Variants in PTGDR observed in about 807,000 individuals in gnomAD.
PTGDR encodes prostaglandin D2 receptor.
A neutral mutation model predicts 17.4 loss-of-function variants in PTGDR; 19 were observed. That is an observed-to-expected ratio of 1.09 (90% CI 0.76 to 1.60). The LOEUF is 1.60. PTGDR is among the 40% of genes most tolerant of loss of function. The probability of loss-of-function intolerance (pLI) is 0.00; values close to 1 mark genes in which losing one functional copy is unlikely to be tolerated. For synonymous variants in PTGDR, 267 were observed against 224.2 expected, an observed-to-expected ratio of 1.19 and a Z score of -1.71; for missense variants, 526 against 481.9, an observed-to-expected ratio of 1.09 and a Z score of -0.86.
In PTGDR at chr14:52,267,870, C is replaced by G; in HGVS notation, c.56C>G (p.Ser19Trp). Residue 19 changes from serine to tryptophan, a missense_variant, in exon 1 of 2, where the codon TCG becomes TGG. Ser to Trp is a radical substitution (Grantham distance 177). Transcript: ENST00000306051. ...QNTTSVEKGN[S>W]AVMGGVLFST... ...ACCACCTCTGTGGAAAAAGGCAACT[C>G]GGCGGTGATGGGCGGGGTGCTCTTC... 1 of 1,601,938 alleles carries G rather than the reference C, an allele frequency of 6.2e-7. No homozygotes were observed. Among genetic ancestry groups the G allele is most frequent in the Non-Finnish European group, 8.5e-7 (1 of 1,173,490 alleles).
At position 52,276,302 on chromosome 14, in the gene PTGDR, G is replaced by T. The variant is rs202192075; in HGVS notation, c.*1338G>T. 1 of 152,148 alleles carries T rather than the reference G, an allele frequency of 6.6e-6. No homozygotes were observed. Among genetic ancestry groups the T allele is most frequent in the African/African-American group, 2.4e-5 (1 of 41,420 alleles). 9.4% of individuals were successfully genotyped at this position (152,148 alleles called of 1,614,324 possible). A position where few individuals can be genotyped will look rare whatever the true frequency, so the allele number is the denominator to read the frequency against. ...CAATCTCAGGACTCCAAGGTGCAAA[G>T]CCTGCTGCATTTGCGTGATCTCAAG... On this transcript the variant is annotated 3_prime_UTR_variant, in exon 2 of 2. Coordinates refer to ENST00000306051, the MANE Select transcript of PTGDR (RefSeq NM_000953.3).
rs759586138 is a variant in PTGDR at position 52,268,312 on chromosome 14, A to C, written c.498A>C (p.Leu166=). Residue 166 remains leucine, a synonymous_variant, in exon 1 of 2, where the codon CTA becomes CTC. Coordinates refer to ENST00000306051, the MANE Select transcript of PTGDR (RefSeq NM_000953.3). Reference sequence around the variant, plus strand: ...CCTTCTCCCTGGCTTTCTGCGCGCTACCTTTCATGGGCTTCGGGAAGTTCG... The same window carrying C: ...CCTTCTCCCTGGCTTTCTGCGCGCTCCCTTTCATGGGCTTCGGGAAGTTCG... ...VSAFSLAFCA[L]PFMGFGKFVQ... is the part of the protein sequence containing the mutation. The C allele has an allele frequency of 3.1e-6, 5 of 1,613,668 alleles. No individual in the cohort carries two copies. The highest frequency in any genetic ancestry group is 3.4e-6 in the Non-Finnish European group (4 of 1,180,016).
Position 52,268,552 on chromosome 14 carries a change from G to A in PTGDR, c.738G>A (p.Pro246=), listed in dbSNP as rs201775752. 1.8e-5 allele frequency: 29 copies of A among 1,612,524 alleles called. No homozygotes were observed. The highest frequency in any genetic ancestry group is 1.6e-4 in the African/African-American group (12 of 74,928). ...CCTGCACCAGGGACTGTGCCGAGCC[G>A]CGCGCGGACGGGAGGGAAGCGTCCC... is the stretch of plus-strand genomic sequence containing the variant. ...PRSCTRDCAE[P]RADGREASPQ... The change falls in exon 1 of 2, where the codon CCG becomes CCA. Residue 246 remains proline (P), a synonymous_variant. Transcript: ENST00000306051.
Position 52,268,631 on chromosome 14 carries a change from C to T in PTGDR, c.817C>T (p.Leu273Phe), listed in dbSNP as rs753696731. ...HLLLLALMTV[L>F]FTMCSLPVIY... ...CCTGCTGCTGGCGCTGATGACCGTGCTCTTCACTATGTGTTCTCTGCCCGT... is the reference window on the plus strand; with the variant it reads ...CCTGCTGCTGGCGCTGATGACCGTGTTCTTCACTATGTGTTCTCTGCCCGT... Residue 273 changes from leucine to phenylalanine, a missense_variant, in exon 1 of 2, where the codon CTC becomes TTC. Physicochemically the swap from Leu to Phe is conservative, Grantham distance 22. Transcript: ENST00000306051. The T allele has an allele frequency of 1.3e-6, 2 of 1,598,204 alleles. No homozygotes were observed. The highest frequency in any genetic ancestry group is 1.3e-5 in the African/African-American group (1 of 74,644).
At chr14:52,271,804 G>A (rs1303254673) in intron 1 of PTGDR, among the ~76,000 whole-genome samples, 1 of 152,218 alleles carries the variant, frequency 6.6e-6, no homozygotes, top group African/African-American at 2.4e-5. Flanking sequence ...CAAATCACAT[G>A]TTTGTAATGA....
At chr14:52,277,998 A>C (rs920683334), downstream of PTGDR, among the ~76,000 whole-genome samples, 7 of 152,216 alleles carry the variant, frequency 4.6e-5, no homozygotes, top group Non-Finnish European at 8.8e-5. Flanking sequence ...TTTTATCTGT[A>C]ATGTTCTCAG....
downstream of PTGDR, among the ~76,000 whole-genome samples, chr14:52,277,038 T>C (rs751222517): frequency 5.9e-5 from 9 of 152,192 alleles, no homozygotes; most frequent in African/African-American, 7.2e-5. Context: ...AACTCTTCGG[T>C]AATCTGTATA....
rs763907330 is a variant in PTGDR, at chr14:52,268,134, C to A, written c.320C>A (p.Ala107Asp). 2.4e-5 allele frequency: 38 copies of A among 1,614,030 alleles called. No homozygotes were observed. Among genetic ancestry groups the A allele is most frequent in the Non-Finnish European group, 3.0e-5 (35 of 1,180,032 alleles). The change falls in exon 1 of 2, where the codon GCC (alanine) becomes GAC (aspartate). Residue 107 changes from alanine (A) to aspartate (D), a missense_variant. Coordinates refer to ENST00000306051, the MANE Select transcript of PTGDR (RefSeq NM_000953.3). ...GCATTGGACAACTCGTTGTGCCAAG[C>A]CTTCGCCTTCTTCATGTCCTTCTTT... is the stretch of plus-strand genomic sequence containing the variant. ...APALDNSLCQ[A>D]FAFFMSFFGL...
chr14:52,270,534 CTCCA>C (rs1338396388), intron 1 of PTGDR, among the ~76,000 whole-genome samples: 2 of 151,834 alleles, frequency 1.3e-5, no homozygotes, highest in African/African-American at 2.4e-5. Flanking sequence ...CAGAGCAAGA[CTCCA>C]TCTAAAAAAA....
At chr14:52,276,738 ATTACT>A (rs1458626035), downstream of PTGDR, 1 of 152,168 alleles carries the variant, frequency 6.6e-6, no homozygotes, top group Non-Finnish European at 1.5e-5. Flanking sequence ...TGCAGAGGAA[ATTACT>A]TTTCTTTAAA....
rs992245808 is a variant in PTGDR at position 52,268,782 on chromosome 14, A to G, written c.846+122A>G. On this transcript the variant is annotated intron_variant, in intron 1 of 1. Transcript: ENST00000306051. Reference sequence around the variant, plus strand: ...AGGCGAGCTGCGCCCTGGGCCAGGAAGGTTTGCTGCTGAGTTCCCCAAATT... The same window carrying G: ...AGGCGAGCTGCGCCCTGGGCCAGGAGGGTTTGCTGCTGAGTTCCCCAAATT... 27 of 1,113,040 alleles carry G rather than the reference A, an allele frequency of 2.4e-5. No individual in the cohort carries two copies. In the African/African-American group the frequency reaches 4.1e-4, roughly 17 times the overall value. The allele number at this position is 1,113,040 out of a possible 1,614,324, so 68.9% of individuals were successfully genotyped here. A position where few individuals can be genotyped will look rare whatever the true frequency, so the allele number is the denominator to read the frequency against.
intron 1 of PTGDR, among the ~76,000 whole-genome samples, chr14:52,273,623 T>C (rs1246873028): frequency 1.3e-5 from 2 of 152,050 alleles, no homozygotes; most frequent in Non-Finnish European, 2.9e-5. Context: ...TAGATTGGAG[T>C]GGCTGAGCCT....
chr14:52,275,091 T>G lies in PTGDR; in HGVS notation c.*127T>G. On this transcript the variant is annotated 3_prime_UTR_variant, in exon 2 of 2. Coordinates refer to ENST00000306051, the MANE Select transcript of PTGDR (RefSeq NM_000953.3). The stretch of plus-strand genomic sequence containing the variant: ...AGTTACCTCCCATAACAAAAGCATG[T>G]ATATGTATTTTCAAAAGTATTTGAT... 1 of 739,632 alleles carries G rather than the reference T, an allele frequency of 1.4e-6. No homozygotes were observed. The highest frequency in any genetic ancestry group is 2.0e-5 in the South Asian group (1 of 51,072). 45.8% of individuals were successfully genotyped at this position (739,632 alleles called of 1,614,324 possible). A position where few individuals can be genotyped will look rare whatever the true frequency, so the allele number is the denominator to read the frequency against.
chr14:52,273,581 G>A (rs946880618), intron 1 of PTGDR, among the ~76,000 whole-genome samples: 1 of 152,180 alleles, frequency 6.6e-6, no homozygotes, highest in Non-Finnish European at 1.5e-5. Flanking sequence ...TTAAACAGCT[G>A]AGTCCAGTGT....
Position 52,268,353 on chromosome 14 carries a change from G to T in PTGDR, c.539G>T (p.Gly180Val). Reference protein sequence around the residue: ...GFGKFVQYCPGTWCFIQMVHE... With the variant: ...GFGKFVQYCPVTWCFIQMVHE... ...GGGAAGTTCGTGCAGTACTGCCCCG[G>T]CACCTGGTGCTTTATCCAGATGGTC... The change falls in exon 1 of 2, where the codon GGC becomes GTC. Residue 180 changes from glycine to valine, a missense_variant. By Grantham distance (109) the Gly-to-Val change is moderately radical. Coordinates refer to ENST00000306051, the MANE Select transcript of PTGDR (RefSeq NM_000953.3). The T allele has an allele frequency of 1.2e-6, 2 of 1,613,248 alleles. No individual in the cohort carries two copies. The highest frequency in any genetic ancestry group is 1.1e-5 in the South Asian group (1 of 91,086).
rs2033396440 is a variant in PTGDR at position 52,274,956 on chromosome 14, A to T, written c.1072A>T (p.Ser358Cys). 1 of 1,553,736 alleles carries T rather than the reference A, an allele frequency of 6.4e-7. No individual in the cohort carries two copies. Among genetic ancestry groups the T allele is most frequent in the East Asian group, 2.2e-5 (1 of 44,538 alleles). ...CAGCAATTCCACTAACATGGAATCC[A>T]GTCTGTGACAGTGTTTTTCACTCTG... is the stretch of plus-strand genomic sequence containing the variant. ...RCSNSTNMES[S>C]L Residue 358 changes from serine (S) to cysteine (C), a missense_variant, in exon 2 of 2, where the codon AGT becomes TGT. Ser to Cys is a moderately radical substitution (Grantham distance 112, BLOSUM62 -1). Transcript: ENST00000306051.
At chr14:52,273,779 G>A (rs979124001) in intron 1 of PTGDR, among the ~76,000 whole-genome samples, 3 of 152,292 alleles carry the variant, frequency 2.0e-5, no homozygotes, top group East Asian at 1.9e-4. Flanking sequence ...GAGTTTGCAC[G>A]CTTCCTGTTC....
rs1210163367 is a variant in PTGDR at position 52,267,840 on chromosome 14, A to G, written c.26A>G (p.Gln9Arg). 1 of 1,577,190 alleles carries G rather than the reference A, an allele frequency of 6.3e-7. No homozygotes were observed. The highest frequency in any genetic ancestry group is 1.4e-5 in the African/African-American group (1 of 74,066). The change falls in exon 1 of 2, where the codon CAG (glutamine) becomes CGG (arginine). Residue 9 changes from glutamine (Q) to arginine (R), a missense_variant. Gln to Arg is a conservative substitution (Grantham distance 43). Coordinates refer to ENST00000306051, the MANE Select transcript of PTGDR (RefSeq NM_000953.3). The stretch of plus-strand genomic sequence containing the variant: ...ATGAAGTCGCCGTTCTACCGCTGCC[A>G]GAACACCACCTCTGTGGAAAAAGGC... MKSPFYRC[Q>R]NTTSVEKGNS...
In PTGDR at chr14:52,269,332, C is replaced by A. The variant is rs116333647; in HGVS notation, c.846+672C>A. 1,481 of 807,998 alleles carry A rather than the reference C, an allele frequency of 1.8e-3. 9 individuals are homozygous for A. Among genetic ancestry groups the A allele is most frequent in the African/African-American group, 0.012 (706 of 58,902 alleles). 50.1% of individuals were successfully genotyped at this position (807,998 alleles called of 1,614,324 possible). On this transcript the variant is annotated intron_variant, in intron 1 of 1. Coordinates refer to ENST00000306051, the MANE Select transcript of PTGDR (RefSeq NM_000953.3). The stretch of plus-strand genomic sequence containing the variant: ...TAGCTGCTGGTGTCGTTTTGACAAC[C>A]TGACTTGACGGGTTTTGAGTGTATC...
Sources: gnomAD v4.1 joint callset for allele counts (sites outside exome capture counted in the v4.1 genomes callset) on GRCh38, gnomAD v4.1.1 for gene constraint, MANE v1.5 for transcripts, NCBI Gene and HGNC (gene_info 2026-07-23, HGNC 2026-07-21) for gene names.